Variants in OPCML observed in about 807,000 individuals in gnomAD.
OPCML encodes opioid-binding protein/cell adhesion molecule.
OPCML carries 13 observed loss-of-function variants against 37.8 expected under a neutral mutation model. That is an observed-to-expected ratio of 0.34 (90% CI 0.22 to 0.55). OPCML has a LOEUF of 0.55. OPCML is among the 20% of genes least tolerant of loss of function. OPCML has a pLI of 0.91. For missense variants in OPCML, 341 were observed against 435.6 expected (o/e 0.78, Z 1.93); for synonymous variants, 176 against 168.8 (o/e 1.04, Z -0.33).
chr11:132,886,700 A>G (rs980115191), intron 2 of OPCML, among the ~76,000 whole-genome samples: 1 of 151,830 alleles, frequency 6.6e-6, no homozygotes, highest in Non-Finnish European at 1.5e-5. Flanking sequence ...GGGGGCCCAG[A>G]CTCCTCCCTG....
At chr11:133,105,741 G>A (rs1439633866) in intron 1 of OPCML, among the ~76,000 whole-genome samples, 1 of 152,188 alleles carries the variant, frequency 6.6e-6, no homozygotes, top group African/African-American at 2.4e-5. Context: ...AGCATTTTGG[G>A]AGGCCAAGGC....
At chr11:133,258,318 A>C (rs2136450222) in intron 1 of OPCML, among the ~76,000 whole-genome samples, 1 of 152,330 alleles carries the variant, frequency 6.6e-6, no homozygotes, top group South Asian at 2.1e-4. Flanking sequence ...GAGCTAATGA[A>C]CATATTATCT....
At chr11:133,083,239 G>A (rs574075115) in intron 1 of OPCML, among the ~76,000 whole-genome samples, 1 of 152,186 alleles carries the variant, frequency 6.6e-6, no homozygotes, top group South Asian at 2.1e-4. Flanking sequence ...ACTGAGCGGC[G>A]GGAGCGGGAG....
chr11:132,839,723 G>T (rs1941206509), intron 2 of OPCML, among the ~76,000 whole-genome samples: 1 of 152,176 alleles, frequency 6.6e-6, no homozygotes, highest in Admixed American at 6.5e-5. Flanking sequence ...ATCAGATGCT[G>T]CAACATTGCT....
At chr11:132,683,725 CATTCAGAGTG>C (rs1285577422) in intron 2 of OPCML, among the ~76,000 whole-genome samples, 4 of 152,172 alleles carry the variant, frequency 2.6e-5, no homozygotes, top group African/African-American at 9.7e-5. Context: ...AATGTGCTGT[CATTCAGAGTG>C]ATACTGATGC....
At chr11:133,121,187 G>C (rs1949414791) in intron 1 of OPCML, among the ~76,000 whole-genome samples, 1 of 152,146 alleles carries the variant, frequency 6.6e-6, no homozygotes, top group Non-Finnish European at 1.5e-5. Flanking sequence ...CCAAAGTGCT[G>C]AGATTACAGG....
chr11:133,281,553 T>C lies in OPCML; in HGVS notation c.61+250711A>G, dbSNP rs534393364. Among the ~76,000 whole-genome samples, 17 of 152,108 alleles carry C rather than the reference T, an allele frequency of 1.1e-4. No homozygotes were observed. In the East Asian group the frequency reaches 3.3e-3, roughly 30 times the overall value. ...AGCCTCATGTATTCCTTTACAGAGA[T>C]GCAAAAATGGACTAACACAAAAACA... On this transcript the variant is annotated intron_variant, in intron 1 of 7. Coordinates refer to ENST00000524381, the MANE Select transcript of OPCML (RefSeq NM_001012393.5).
intron 1 of OPCML, among the ~76,000 whole-genome samples, chr11:133,508,439 G>C (rs948118947): frequency 2.3e-4 from 35 of 152,178 alleles, no homozygotes; most frequent in Non-Finnish European, 3.4e-4. Flanking sequence ...GATCCAGGGT[G>C]GTTTCTGCCC....
At chr11:132,897,344 C>T (rs1025770709) in intron 2 of OPCML, among the ~76,000 whole-genome samples, 7 of 152,212 alleles carry the variant, frequency 4.6e-5, no homozygotes, top group East Asian at 1.9e-4. Flanking sequence ...ACCAGGTGAC[C>T]GGAGCTGCCC....
intron 3 of OPCML, among the ~76,000 whole-genome samples, chr11:132,568,379 G>A (rs1489542735): frequency 6.6e-6 from 1 of 152,196 alleles, no homozygotes; most frequent in Non-Finnish European, 1.5e-5. Flanking sequence ...GCTGTACTGG[G>A]TTGAAAAGTT....
intron 4 of OPCML, among the ~76,000 whole-genome samples, chr11:132,469,643 TG>T (rs1565588813): frequency 8.9e-6 from 1 of 112,120 alleles, no homozygotes; most frequent in Non-Finnish European, 1.7e-5. Flanking sequence ...TGTATGTGTG[TG>T]GGGGTGTATG....
rs1356869054 is a variant in OPCML at position 132,488,749 on chromosome 11, A to T, written c.505+40312T>A. 2.0e-5 allele frequency among the ~76,000 whole-genome samples: 3 copies of T among 152,244 alleles called. No homozygotes were observed. The East Asian group carries it at 5.8e-4, about 29-fold the overall frequency. On this transcript the variant is annotated intron_variant, in intron 4 of 7. Transcript: ENST00000524381. ...TAATTTTTTTAACTTTTTGACTTAG[A>T]AAATGTTTATTTTAAGTACAAAGAG...
At chr11:133,422,393 A>ATATATG in intron 1 of OPCML, 1 of 928,920 alleles carries the variant, frequency 1.1e-6, no homozygotes, top group African/African-American at 2.3e-5. Flanking sequence ...ATATATATAT[A>ATATATG]TGTATATATG....
At chr11:133,231,108 T>C (rs150438797) in intron 1 of OPCML, among the ~76,000 whole-genome samples, 1 of 152,282 alleles carries the variant, frequency 6.6e-6, no homozygotes, top group African/African-American at 2.4e-5. Context: ...CAATGCAAGG[T>C]CATGAGCTCT....
intron 1 of OPCML, among the ~76,000 whole-genome samples, chr11:133,034,145 G>A (rs997952520): frequency 6.6e-6 from 1 of 152,104 alleles, no homozygotes; most frequent in Non-Finnish European, 1.5e-5. Flanking sequence ...GCTCCTATAG[G>A]GGTAAGCTGG....
At chr11:133,346,302 T>C (rs1055305044) in intron 1 of OPCML, among the ~76,000 whole-genome samples, 2 of 152,178 alleles carry the variant, frequency 1.3e-5, no homozygotes, top group Non-Finnish European at 2.9e-5. Context: ...CAGTGCAGCA[T>C]CCCTGAATGC....
intron 4 of OPCML, among the ~76,000 whole-genome samples, chr11:132,506,537 T>C (rs1283418222): frequency 6.6e-6 from 1 of 152,108 alleles, no homozygotes; most frequent in African/African-American, 2.4e-5. Flanking sequence ...TAAACGCGGA[T>C]TGTGACTTCA....
intron 1 of OPCML, chr11:133,439,292 G>GT (rs61423385): frequency 0.15 from 114,245 of 780,374 alleles, 347 homozygotes; most frequent in South Asian, 0.2. Flanking sequence ...AGTAAAAGAT[G>GT]TTTTTTTTTT....
At chr11:132,843,198 G>A (rs1013719819) in intron 2 of OPCML, among the ~76,000 whole-genome samples, 17 of 150,044 alleles carry the variant, frequency 1.1e-4, no homozygotes, top group South Asian at 6.4e-4. Flanking sequence ...GGGTTCAAGC[G>A]ATTCTCCTGC....
Sources: allele counts gnomAD v4.1 joint callset (sites outside exome capture counted in the v4.1 genomes callset), GRCh38; gene constraint gnomAD v4.1.1; transcripts MANE v1.5; gene names NCBI Gene and HGNC (gene_info 2026-07-23, HGNC 2026-07-21).